RGS6: variants seen among roughly 807,000 people sequenced by gnomAD.
RGS6 encodes regulator of G protein signaling 6.
A neutral mutation model predicts 78.5 loss-of-function variants in RGS6; 30 were observed. The ratio of observed to expected loss-of-function variants is 0.38; its 90% CI spans 0.29 to 0.52. The LOEUF is 0.52. RGS6 is among the 20% of genes least tolerant of loss of function. RGS6 has a pLI of 0.85. For missense variants in RGS6, 495 were observed against 609.7 expected (o/e 0.81, Z 1.98); for synonymous variants, 206 against 206.0 (o/e 1.00, Z 0.00).
intron 12 of RGS6, among the ~76,000 whole-genome samples, chr14:72,487,353 A>G (rs906998992): frequency 5.3e-5 from 8 of 152,230 alleles, no homozygotes; most frequent in East Asian, 3.8e-4. Flanking sequence ...ATTGCAGTCA[A>G]ACTACACCTG....
At chr14:72,350,562 A>G (rs1373971689) in intron 2 of RGS6, among the ~76,000 whole-genome samples, 1 of 152,138 alleles carries the variant, frequency 6.6e-6, no homozygotes, top group Non-Finnish European at 1.5e-5. Context: ...GGATTACACT[A>G]TTTAATACCC....
chr14:72,374,186 C>T (rs962416117), intron 3 of RGS6, among the ~76,000 whole-genome samples: 3 of 152,108 alleles, frequency 2.0e-5, no homozygotes, highest in African/African-American at 7.2e-5. Context: ...GTGTGCTGCA[C>T]CCATTAACTC....
Position 72,329,251 on chromosome 14 carries a change from T to C in RGS6, c.85-22844T>C, listed in dbSNP as rs564509225. 2.0e-5 allele frequency among the ~76,000 whole-genome samples: 3 copies of C among 152,394 alleles called. No homozygotes were observed. The South Asian group carries it at 6.2e-4, about 32-fold the overall frequency. ...CCATTCTCATTTACATGCACACACA[T>C]ACATATGCACATGCATGAACACATG... On this transcript the variant is annotated intron_variant, in intron 2 of 17. Coordinates refer to ENST00000553525, the MANE Select transcript of RGS6 (RefSeq NM_001204424.2).
At chr14:72,322,769 A>G (rs911416455) in intron 2 of RGS6, among the ~76,000 whole-genome samples, 2 of 152,132 alleles carry the variant, frequency 1.3e-5, no homozygotes, top group African/African-American at 4.8e-5. Flanking sequence ...AATTCATAAA[A>G]TATTGTCAAA....
intron 2 of RGS6, among the ~76,000 whole-genome samples, chr14:72,132,346 G>A (rs1031882664): frequency 6.6e-6 from 1 of 150,554 alleles, no homozygotes; most frequent in East Asian, 1.9e-4. Context: ...ACATGATCTC[G>A]GCTCACTGAA....
At chr14:72,054,312 A>G (rs538333041) in intron 2 of RGS6, among the ~76,000 whole-genome samples, 1 of 152,212 alleles carries the variant, frequency 6.6e-6, no homozygotes, top group African/African-American at 2.4e-5. Context: ...AGTTCGCTCA[A>G]TTAACTATAC....
chr14:72,255,782 T>C (rs2056951220), intron 2 of RGS6, among the ~76,000 whole-genome samples: 1 of 152,240 alleles, frequency 6.6e-6, no homozygotes, highest in Non-Finnish European at 1.5e-5. Context: ...AAAACTTTTA[T>C]TTGCATTTCA....
chr14:72,189,140 C>CAA (rs1332260426), intron 2 of RGS6, among the ~76,000 whole-genome samples: 3 of 152,028 alleles, frequency 2.0e-5, no homozygotes, highest in Non-Finnish European at 4.4e-5. Context: ...CCATTGTAGC[C>CAA]AAAACTATGG....
the RGS6 span, among the ~76,000 whole-genome samples, chr14:71,872,581 G>T: frequency 5.3e-5 from 8 of 152,282 alleles, no homozygotes; most frequent in Middle Eastern, 3.4e-3. Flanking sequence ...GAGGGGGTAT[G>T]TGTAAATAAA....
At chr14:72,378,576 A>T (rs961927633) in intron 3 of RGS6, among the ~76,000 whole-genome samples, 5 of 152,134 alleles carry the variant, frequency 3.3e-5, no homozygotes, top group Non-Finnish European at 7.4e-5. Flanking sequence ...ACTCCATGCC[A>T]GTAAATTTAA....
At chr14:72,140,064 C>A (rs1483956220) in intron 2 of RGS6, among the ~76,000 whole-genome samples, 1 of 152,174 alleles carries the variant, frequency 6.6e-6, no homozygotes, top group Non-Finnish European at 1.5e-5. Context: ...AAGGTCCTGA[C>A]ATATTTTGAT....
intron 3 of RGS6, among the ~76,000 whole-genome samples, chr14:72,379,325 C>T (rs2085478808): frequency 6.6e-6 from 1 of 151,982 alleles, no homozygotes; most frequent in Non-Finnish European, 1.5e-5. Context: ...AATGGAAGCC[C>T]TAGCCAGAGC....
intron 2 of RGS6, among the ~76,000 whole-genome samples, chr14:72,026,083 A>G (rs1053830376): frequency 3.3e-5 from 5 of 152,150 alleles, no homozygotes; most frequent in African/African-American, 1.2e-4. Flanking sequence ...TAAGGCTATG[A>G]AACTGATTGT....
chr14:71,895,236 T>A, the RGS6 span, among the ~76,000 whole-genome samples: 1 of 152,246 alleles, frequency 6.6e-6, no homozygotes, highest in African/African-American at 2.4e-5. Context: ...CAAACAGGAA[T>A]GCAGTGGCGT....
rs977445980 is a variant in RGS6 at position 72,412,662 on chromosome 14, G to A, written c.185-41866G>A. 1.6e-4 allele frequency among the ~76,000 whole-genome samples: 24 copies of A among 151,948 alleles called. No homozygotes were observed. The East Asian group carries it at 3.7e-3, about 23-fold the overall frequency. On this transcript the variant is annotated intron_variant, in intron 3 of 17. Coordinates refer to ENST00000553525, the MANE Select transcript of RGS6 (RefSeq NM_001204424.2). ...CTAGTTCTTTTAATTGTGATGTTAG[G>A]GTGTCAATTTTAGACCTTTCGTGCT... is the stretch of plus-strand genomic sequence containing the variant.
chr14:72,478,404 C>A, intron 12 of RGS6, 75 bp downstream of exon 12: 1 of 1,077,252 alleles, frequency 9.3e-7, no homozygotes, highest in Non-Finnish European at 1.4e-6. Context: ...TTATGGTTAA[C>A]GAATGTGTTC....
chr14:72,040,888 A>T (rs2092340794), intron 2 of RGS6, among the ~76,000 whole-genome samples: 2 of 152,070 alleles, frequency 1.3e-5, no homozygotes, highest in South Asian at 4.1e-4. Context: ...CAGTTGTTGT[A>T]TTCTTCAGCT....
intron 2 of RGS6, among the ~76,000 whole-genome samples, chr14:72,122,686 C>T (rs1379485369): frequency 6.6e-6 from 1 of 151,530 alleles, no homozygotes; most frequent in African/African-American, 2.4e-5. Context: ...GCTGTCATTT[C>T]ACCTCCTCTG....
intron 3 of RGS6, among the ~76,000 whole-genome samples, chr14:72,422,763 T>G (rs2094252134): frequency 6.6e-6 from 1 of 151,714 alleles, no homozygotes; most frequent in African/African-American, 2.4e-5. Context: ...GCAGAGGAGG[T>G]CAAACACAAG....
Sources: allele counts gnomAD v4.1 joint callset (sites outside exome capture counted in the v4.1 genomes callset), GRCh38; gene constraint gnomAD v4.1.1; transcripts MANE v1.5; gene names NCBI Gene and HGNC (gene_info 2026-07-23, HGNC 2026-07-21).